Variants in MCPH1 observed in about 807,000 individuals in gnomAD.
MCPH1 encodes the protein microcephalin 1.
Under a neutral mutation model 84.5 loss-of-function variants are expected in MCPH1, and 104 were observed. The ratio of observed to expected loss-of-function variants is 1.23; its 90% CI spans 1.05 to 1.45. The LOEUF (loss-of-function observed/expected upper bound fraction) is 1.45, where lower values mean the gene tolerates loss of function less well. Ranked by LOEUF, MCPH1 falls within the 40% of genes most tolerant of loss-of-function variation. The pLI is 0.00. For synonymous variants in MCPH1, 514 were observed against 366.8 expected (o/e 1.40, Z -4.58); for missense variants, 1,498 against 1,005.7 (o/e 1.49, Z -6.62).
At chr8:6,483,563 C>G (rs1024768774) in intron 11 of MCPH1, among the ~76,000 whole-genome samples, 1 of 152,156 alleles carries the variant, frequency 6.6e-6, no homozygotes, top group Admixed American at 6.5e-5. Context: ...GAAATTCAGT[C>G]TTTTGAACAA....
chr8:6,537,778 A>C (rs1409525807), intron 12 of MCPH1, among the ~76,000 whole-genome samples: 1 of 152,128 alleles, frequency 6.6e-6, no homozygotes, highest in Non-Finnish European at 1.5e-5. Context: ...AGTAATCTTG[A>C]AACTGGCTCA....
chr8:6,464,733 C>T (rs1461522507), intron 9 of MCPH1, among the ~76,000 whole-genome samples: 1 of 152,216 alleles, frequency 6.6e-6, no homozygotes, highest in Non-Finnish European at 1.5e-5. Context: ...TGTGGTGGCT[C>T]ACGCCTATAA....
Position 6,455,169 on chromosome 8 carries a change from G to C in MCPH1, c.1852G>C (p.Asp618His). The change falls in exon 9 of 14, where the codon GAT becomes CAT. Residue 618 changes from aspartate to histidine, a missense_variant. Physicochemically the swap from Asp to His is moderately conservative, Grantham distance 81. Coordinates refer to ENST00000344683, the MANE Select transcript of MCPH1 (RefSeq NM_024596.5). ...GSVKNRPTRH[D>H]VLDDSCDGFK... is the part of the protein sequence containing the mutation. ...TGTTAAAAATAGACCAACAAGGCAT[G>C]ATGTTTTAGATGACTCATGTGACGG... 6.2e-7 allele frequency: 1 copy of C among 1,614,038 alleles called. No homozygotes were observed. The highest frequency in any genetic ancestry group is 8.5e-7 in the Non-Finnish European group (1 of 1,179,954).
At chr8:6,624,459 A>G (rs1395100120) in intron 13 of MCPH1, among the ~76,000 whole-genome samples, 2 of 151,748 alleles carry the variant, frequency 1.3e-5, no homozygotes, top group African/African-American at 2.4e-5. Flanking sequence ...AGTGTAGTAG[A>G]CCTCTCCAGT....
At chr8:6,513,780 T>G (rs766122165) in intron 12 of MCPH1, 1 of 1,614,134 alleles carries the variant, frequency 6.2e-7, no homozygotes, top group Non-Finnish European at 8.5e-7. Context: ...ATAGCGTTGC[T>G]GATTAGTCAG....
rs1220120222 is a variant in MCPH1 at position 6,480,882 on chromosome 8, C to T, written c.2136+6C>T. 1.2e-6 allele frequency: 2 copies of T among 1,613,708 alleles called. No individual in the cohort carries two copies. Among genetic ancestry groups the T allele is most frequent in the South Asian group, 1.1e-5 (1 of 91,080 alleles). ...GGGTTCTCTCTTATGATTGGGTAAG[C>T]CCTGTGTGTGAACTGCGTATTTTAA... is the stretch of plus-strand genomic sequence containing the variant. On this transcript the variant is annotated splice_donor_region_variant and intron_variant, in intron 11 of 13. Coordinates refer to ENST00000344683, the MANE Select transcript of MCPH1 (RefSeq NM_024596.5).
intron 9 of MCPH1, among the ~76,000 whole-genome samples, chr8:6,464,747 C>G (rs879501708): frequency 3.9e-5 from 6 of 152,226 alleles, no homozygotes; most frequent in Non-Finnish European, 7.3e-5. Flanking sequence ...CCTATAATCC[C>G]AGCACTTTGG....
intron 9 of MCPH1, among the ~76,000 whole-genome samples, chr8:6,470,785 C>G (rs1050843615): frequency 6.6e-6 from 1 of 152,216 alleles, no homozygotes; most frequent in Non-Finnish European, 1.5e-5. Flanking sequence ...TTTATTATTC[C>G]ACCATTATAA....
chr8:6,466,086 C>G (rs1343741071), intron 9 of MCPH1, among the ~76,000 whole-genome samples: 1 of 150,314 alleles, frequency 6.7e-6, no homozygotes, highest in Non-Finnish European at 1.5e-5. Context: ...TCCCGAGTAG[C>G]TGGGACTACA....
chr8:6,435,571 A>C (rs1802521463), intron 4 of MCPH1, among the ~76,000 whole-genome samples: 1 of 152,098 alleles, frequency 6.6e-6, no homozygotes, highest in Admixed American at 6.6e-5. Context: ...TTACTCCTTA[A>C]TTTGGCCCCC....
intron 2 of MCPH1, among the ~76,000 whole-genome samples, chr8:6,411,353 G>GAAAT (rs1041275912): frequency 8.5e-5 from 13 of 152,244 alleles, no homozygotes; most frequent in East Asian, 3.9e-4. Flanking sequence ...CAGCTATATA[G>GAAAT]AAATAAATAA....
At chr8:6,623,925 G>C (rs191879515) in intron 13 of MCPH1, among the ~76,000 whole-genome samples, 1 of 152,282 alleles carries the variant, frequency 6.6e-6, no homozygotes. Context: ...CTGTGCACAC[G>C]ATTGATATCC....
At chr8:6,626,740 C>A in intron 13 of MCPH1, 1 of 985,304 alleles carries the variant, frequency 1.0e-6, no homozygotes, top group Non-Finnish European at 1.2e-6. Flanking sequence ...GGGTGAGGAT[C>A]ACAAGCCCTT....
intron 9 of MCPH1, among the ~76,000 whole-genome samples, chr8:6,462,930 C>G (rs776035744): frequency 1.3e-5 from 2 of 152,178 alleles, no homozygotes; most frequent in Non-Finnish European, 2.9e-5. Flanking sequence ...TGGAGTAGGT[C>G]TCTCTTACCT....
At chr8:6,642,100 G>C (rs1349275395) in intron 13 of MCPH1, among the ~76,000 whole-genome samples, 3 of 152,040 alleles carry the variant, frequency 2.0e-5, no homozygotes, top group Non-Finnish European at 4.4e-5. Context: ...ATACCACCAG[G>C]ATAGCTTTCC....
intron 11 of MCPH1, among the ~76,000 whole-genome samples, chr8:6,491,989 C>T (rs1413533903): frequency 6.6e-6 from 1 of 152,154 alleles, no homozygotes; most frequent in Non-Finnish European, 1.5e-5. Context: ...TGGGTATATA[C>T]CCAGTAATGG....
At chr8:6,513,615 G>C in intron 12 of MCPH1, 55 of 1,470,012 alleles carry the variant, frequency 3.7e-5, no homozygotes, top group Non-Finnish European at 5.0e-5. Flanking sequence ...TTACAGGCGT[G>C]AGCCACCGTG....
chr8:6,532,469 C>A (rs771946887), intron 12 of MCPH1: 2 of 1,612,654 alleles, frequency 1.2e-6, no homozygotes, highest in Non-Finnish European at 1.7e-6. Flanking sequence ...TTCATGTTGT[C>A]CTGGATATAA....
At chr8:6,540,234 T>G (rs1032639311) in intron 12 of MCPH1, among the ~76,000 whole-genome samples, 1 of 152,244 alleles carries the variant, frequency 6.6e-6, no homozygotes, top group African/African-American at 2.4e-5. Context: ...TCATATCATT[T>G]TACCTCTTTG....
Sources: gnomAD v4.1 joint callset for allele counts (sites outside exome capture counted in the v4.1 genomes callset) on GRCh38, gnomAD v4.1.1 for gene constraint, MANE v1.5 for transcripts, NCBI Gene and HGNC (gene_info 2026-07-23, HGNC 2026-07-21) for gene names.